DOCK6: variants seen among roughly 807,000 people sequenced by gnomAD.
The protein encoded by DOCK6 is dedicator of cytokinesis 6, also known as dedicator of cytokinesis protein 6.
Under a neutral mutation model 230.3 loss-of-function variants are expected in DOCK6, and 167 were observed. The observed-to-expected ratio is 0.73, with a 90% CI of 0.64 to 0.82. DOCK6 has a LOEUF of 0.82. Among genes scored for constraint, DOCK6 ranks in the 40% least tolerant of loss-of-function variants. The pLI is 0.00. For synonymous variants in DOCK6, 1,148 were observed against 1,185.0 expected (o/e 0.97, Z 0.64); for missense variants, 2,598 against 2,825.8 (o/e 0.92, Z 1.83).
chr19:11,206,831 G>A (rs1289458759), intron 39 of DOCK6, among the ~76,000 whole-genome samples: 1 of 83,474 alleles, frequency 1.2e-5, no homozygotes, highest in African/African-American at 6.2e-5. Context: ...GGGATTTGTG[G>A]TGGTTTTTTT....
chr19:11,256,631 C>T lies in DOCK6; in HGVS notation c.45-2905G>A, dbSNP rs1221180016. ...TGTTGTCTTCAAAGACAATCCTAGG[C>T]AGCTGGGATTTCTGACCCTGGTTTT... On this transcript the variant is annotated intron_variant, in intron 1 of 47. Coordinates refer to ENST00000294618, the MANE Select transcript of DOCK6 (RefSeq NM_020812.4). Among the ~76,000 whole-genome samples the T allele has an allele frequency of 5.9e-5, 9 of 152,286 alleles. 1 individual carries two copies. The South Asian group carries it at 1.7e-3, about 28-fold the overall frequency.
At position 11,237,782 on chromosome 19, in the gene DOCK6, G is replaced by A; in HGVS notation, c.1833-3C>T. The stretch of plus-strand genomic sequence containing the variant: ...ACTCCTCGTAGAACTCGGGGGACCT[G>A]GCAGAATCGGGCTGGGGGATCTGCT... On this transcript the variant is annotated splice_polypyrimidine_tract_variant and splice_region_variant and intron_variant, in intron 16 of 47. Transcript: ENST00000294618. 2 of 1,562,874 alleles carry A rather than the reference G, an allele frequency of 1.3e-6. No individual in the cohort carries two copies. The highest frequency in any genetic ancestry group is 2.7e-5 in the African/African-American group (2 of 73,634).
rs181847164 is a variant in DOCK6 at position 11,223,327 on chromosome 19, G to C, written c.2956-221C>G. Among the ~76,000 whole-genome samples the C allele has an allele frequency of 9.2e-5, 14 of 152,282 alleles. No individual in the cohort carries two copies. The East Asian group carries it at 2.7e-3, about 29-fold the overall frequency. ...CAAGGCAGATATGGGCTAACTCCCT[G>C]CAAGATCCTCTCGCTCTCTCTGTCC... On this transcript the variant is annotated intron_variant, in intron 24 of 47. Coordinates refer to ENST00000294618, the MANE Select transcript of DOCK6 (RefSeq NM_020812.4).
In DOCK6 at chr19:11,200,695, C is replaced by T; in HGVS notation, c.5939+21G>A. 1.2e-6 allele frequency: 2 copies of T among 1,602,210 alleles called. No individual in the cohort carries two copies. The highest frequency in any genetic ancestry group is 1.7e-4 in the Middle Eastern group (1 of 6,050). ...CAGGTTAGGCAGACACGAGACCCCT[C>T]CTGGGGGGTTTTGCGCCTACTTCTT... On this transcript the variant is annotated intron_variant, in intron 46 of 47. Coordinates refer to ENST00000294618, the MANE Select transcript of DOCK6 (RefSeq NM_020812.4). This position sits in a 1 kb window ranked among gnomAD's most constrained non-coding sequence, Gnocchi z 4.3.
chr19:11,200,159 A>C lies in DOCK6; in HGVS notation c.6101+149T>G, dbSNP rs1022187522. Reference sequence around the variant, plus strand: ...GAGGGAGAGTCTCTCAAAAAAAAAAACAAAAAAAAAACCGGAAACAAAACA... The same window carrying C: ...GAGGGAGAGTCTCTCAAAAAAAAAACCAAAAAAAAAACCGGAAACAAAACA... On this transcript the variant is annotated intron_variant, in intron 47 of 47. Coordinates refer to ENST00000294618, the MANE Select transcript of DOCK6 (RefSeq NM_020812.4). The surrounding 1 kb of genome is among the most constrained non-coding windows in gnomAD (Gnocchi z 4.3). 1.8e-4 allele frequency: 124 copies of C among 683,656 alleles called. No individual in the cohort carries two copies. The highest frequency in any genetic ancestry group is 4.7e-4 in the Middle Eastern group (1 of 2,134). 42.3% of individuals were successfully genotyped at this position (683,656 alleles called of 1,614,324 possible).
intron 47 of DOCK6, among the ~76,000 whole-genome samples, chr19:11,199,944 T>A (rs913678100): frequency 1.3e-5 from 2 of 149,980 alleles, no homozygotes; most frequent in Non-Finnish European, 3.0e-5. Context: ...AGATCAGGAG[T>A]TCGAGACCAG....
intron 1 of DOCK6, among the ~76,000 whole-genome samples, chr19:11,258,551 G>C (rs1300629822): frequency 2.7e-5 from 4 of 150,104 alleles, no homozygotes; most frequent in Non-Finnish European, 5.9e-5. Context: ...TCCTGCCTCA[G>C]CCTCCTGAGT....
rs2147782287 is a variant in DOCK6, at chr19:11,222,020, C to T, written c.3381G>A (p.Gly1127=). The change falls in exon 28 of 48, where the codon GGG becomes GGA. Residue 1127 remains glycine, a splice_region_variant and synonymous_variant. Coordinates refer to ENST00000294618, the MANE Select transcript of DOCK6 (RefSeq NM_020812.4). The surrounding 1 kb of genome is among the most constrained non-coding windows in gnomAD (Gnocchi z 4.0). ...TGGCCTTCTTGTGCAACAGGAATGCCCTATGGGGTAATGAGGTGCTCAGGA... is the reference window on the plus strand; with the variant it reads ...TGGCCTTCTTGTGCAACAGGAATGCTCTATGGGGTAATGAGGTGCTCAGGA... ...LALALEPEAE[G]AFLLHKKAIS... The T allele has an allele frequency of 6.2e-7, 1 of 1,609,980 alleles. No homozygotes were observed. The highest frequency in any genetic ancestry group is 2.2e-5 in the East Asian group (1 of 44,774).
intron 32 of DOCK6, among the ~76,000 whole-genome samples, 158 bp from the exon 33 acceptor site, chr19:11,214,807 C>T (rs559428328): frequency 7.0e-4 from 106 of 152,140 alleles, no homozygotes; most frequent in Middle Eastern, 3.4e-3. Context: ...CAGGGTCTTG[C>T]TCTGTTGCCC....
intron 20 of DOCK6, 161 bp from the exon 21 acceptor site, chr19:11,235,920 G>A (rs1599255237): frequency 2.1e-6 from 2 of 939,512 alleles, no homozygotes; most frequent in Non-Finnish European, 2.8e-6. Context: ...TTGCTCTGTT[G>A]CCCGGGCTGG....
intron 1 of DOCK6, among the ~76,000 whole-genome samples, chr19:11,256,854 T>C (rs1201340548): frequency 6.6e-6 from 1 of 151,754 alleles, no homozygotes; most frequent in Non-Finnish European, 1.5e-5. Context: ...ATTTTTTGTA[T>C]TTTTAGTAGA....
intron 18 of DOCK6, 53 bp downstream of exon 18, chr19:11,237,403 G>T: frequency 6.2e-7 from 1 of 1,600,790 alleles, no homozygotes; most frequent in South Asian, 1.1e-5. Flanking sequence ...CAGGTGACTC[G>T]GGAGTGCTTC....
intron 39 of DOCK6, among the ~76,000 whole-genome samples, chr19:11,206,587 A>G (rs1600851189): frequency 6.6e-6 from 1 of 151,898 alleles, no homozygotes; most frequent in Non-Finnish European, 1.5e-5. Flanking sequence ...GAAAGAAAAA[A>G]GAGACTTAGG....
chr19:11,228,732 T>C (rs2147803783), intron 23 of DOCK6: 1 of 455,638 alleles, frequency 2.2e-6, no homozygotes, highest in South Asian at 2.5e-5. Context: ...GCTAATTTTT[T>C]TTTGTATTTT....
At chr19:11,242,820 A>T (rs552033726) in intron 13 of DOCK6, among the ~76,000 whole-genome samples, 1 of 152,122 alleles carries the variant, frequency 6.6e-6, no homozygotes, top group South Asian at 2.1e-4. Context: ...CTCTGCCCCC[A>T]GGACCCCTGC....
chr19:11,222,088 C>T lies in DOCK6; in HGVS notation c.3380+21G>A, dbSNP rs773091370. On this transcript the variant is annotated intron_variant, in intron 27 of 47. Coordinates refer to ENST00000294618, the MANE Select transcript of DOCK6 (RefSeq NM_020812.4). This position sits in a 1 kb window ranked among gnomAD's most constrained non-coding sequence, Gnocchi z 4.0. ...CTGGACTGTCCCACCTGTCCTGGGG[C>T]TAGACAGGAGCTCTGCTCACCCTTC... The T allele has an allele frequency of 1.2e-6, 2 of 1,610,016 alleles. No homozygotes were observed. The highest frequency in any genetic ancestry group is 4.5e-5 in the East Asian group (2 of 44,750).
At chr19:11,215,359 CA>C (rs764008557) in intron 32 of DOCK6, 27 bp downstream of exon 32, 1 of 1,606,852 alleles carries the variant, frequency 6.2e-7, no homozygotes, top group Non-Finnish European at 8.5e-7. Context: ...GTTCTGAACT[CA>C]GCAGACACCC....
At chr19:11,232,479 C>G (rs533861621) in intron 22 of DOCK6, among the ~76,000 whole-genome samples, 69 of 152,224 alleles carry the variant, frequency 4.5e-4, no homozygotes, top group Admixed American at 1.0e-3. Context: ...TATGTGGGTC[C>G]ACAGGTGCAT....
Position 11,243,249 on chromosome 19 carries a change from G to A in DOCK6, c.1386+9C>T, listed in dbSNP as rs1441663958. The stretch of plus-strand genomic sequence containing the variant: ...GAGTGGGAGAGTCCCTGGCCCCAGG[G>A]TAGGACACCTGCTTAAAGAAGTTTG... On this transcript the variant is annotated intron_variant, in intron 12 of 47. Coordinates refer to ENST00000294618, the MANE Select transcript of DOCK6 (RefSeq NM_020812.4). The surrounding 1 kb of genome is among the most constrained non-coding windows in gnomAD (Gnocchi z 6.3). 4 of 1,612,888 alleles carry A rather than the reference G, an allele frequency of 2.5e-6. No individual in the cohort carries two copies. Among genetic ancestry groups the A allele is most frequent in the Non-Finnish European group, 3.4e-6 (4 of 1,179,528 alleles).
Sources: allele counts gnomAD v4.1 joint callset (sites outside exome capture counted in the v4.1 genomes callset), GRCh38; gene constraint gnomAD v4.1.1; non-coding constraint Gnocchi (gnomAD v3.1); transcripts MANE v1.5; gene names NCBI Gene and HGNC (gene_info 2026-07-23, HGNC 2026-07-21).